ARHGAP44: variants seen among roughly 807,000 people sequenced by gnomAD.
The protein encoded by ARHGAP44 is rho GTPase-activating protein 44.
Under a neutral mutation model 106.8 loss-of-function variants are expected in ARHGAP44, and 43 were observed. That is an observed-to-expected ratio of 0.40 (90% CI 0.32 to 0.52). ARHGAP44 has a LOEUF of 0.52. ARHGAP44 is among the 20% of genes least tolerant of loss of function. The pLI, the probability that ARHGAP44 is intolerant of heterozygous loss-of-function variation, is 0.48. For synonymous variants in ARHGAP44, 439 were observed against 410.3 expected (o/e 1.07, Z -0.85); for missense variants, 866 against 1,050.5 (o/e 0.82, Z 2.43).
At chr17:12,989,830 A>G (rs887356141) in intron 20 of ARHGAP44, among the ~76,000 whole-genome samples, 11 of 152,100 alleles carry the variant, frequency 7.2e-5, no homozygotes, top group African/African-American at 1.9e-4. Flanking sequence ...CTTTGGTTCT[A>G]CGAACTTATG....
chr17:12,980,275 T>A, intron 19 of ARHGAP44, 42 bp downstream of exon 19: 1 of 1,556,166 alleles, frequency 6.4e-7, no homozygotes, highest in Non-Finnish European at 8.7e-7. Flanking sequence ...AGGCCGGAGG[T>A]GGCTGTGACA....
intron 1 of ARHGAP44, among the ~76,000 whole-genome samples, chr17:12,857,761 C>T: frequency 7.7e-6 from 1 of 129,124 alleles, no homozygotes; most frequent in Admixed American, 8.0e-5. Flanking sequence ...CTTCGGTTGC[C>T]CATGTTATTT....
intron 1 of ARHGAP44, among the ~76,000 whole-genome samples, chr17:12,889,131 TTTC>T (rs1292464968): frequency 6.6e-6 from 1 of 152,238 alleles, no homozygotes; most frequent in Non-Finnish European, 1.5e-5. Context: ...TTTTCTGTTC[TTTC>T]TGTTTTTCAT....
chr17:12,831,897 C>T (rs60160670), intron 1 of ARHGAP44, among the ~76,000 whole-genome samples: 12,271 of 152,148 alleles, frequency 0.081, 862 homozygotes, highest in African/African-American at 0.19. Flanking sequence ...GAGACCGTGA[C>T]CTGTTAGAAA....
At chr17:12,915,069 C>T (rs914507871) in intron 4 of ARHGAP44, among the ~76,000 whole-genome samples, 1 of 152,128 alleles carries the variant, frequency 6.6e-6, no homozygotes, top group Non-Finnish European at 1.5e-5. Context: ...GACAGGGTCT[C>T]GCTCTGTCAC....
intron 16 of ARHGAP44, among the ~76,000 whole-genome samples, chr17:12,961,655 A>C (rs2039263805): frequency 6.6e-6 from 1 of 152,076 alleles, no homozygotes. Context: ...AATTGCTTGA[A>C]CCTGGGAGGT....
Position 12,958,990 on chromosome 17 carries a change from G to C in ARHGAP44, c.1523+93G>C. On this transcript the variant is annotated intron_variant, in intron 16 of 20. Coordinates refer to ENST00000379672, the MANE Select transcript of ARHGAP44 (RefSeq NM_014859.6). This position sits in a 1 kb window ranked among gnomAD's most constrained non-coding sequence, Gnocchi z 4.1. ...ATAAGAAAAATACAATTACGGGAAG[G>C]CTGCACTGACTCTCAGCAGTTTAGG... 1 of 1,408,212 alleles carries C rather than the reference G, an allele frequency of 7.1e-7. No homozygotes were observed. The highest frequency in any genetic ancestry group is 2.5e-5 in the East Asian group (1 of 40,186). The allele number at this position is 1,408,212 out of a possible 1,614,324, so 87.2% of individuals were successfully genotyped here.
At chr17:12,977,842 A>G (rs1216907995) in intron 18 of ARHGAP44, among the ~76,000 whole-genome samples, 1 of 152,080 alleles carries the variant, frequency 6.6e-6, no homozygotes. Context: ...GATCGAGGCC[A>G]TCCTGGCCAA....
intron 1 of ARHGAP44, among the ~76,000 whole-genome samples, chr17:12,879,721 A>AAT (rs200649817): frequency 6.7e-5 from 10 of 148,858 alleles, no homozygotes; most frequent in Admixed American, 2.0e-4. Flanking sequence ...ACAGTTAAAA[A>AAT]ATATATATAT....
chr17:12,948,074 T>C (rs1356985849), intron 10 of ARHGAP44, among the ~76,000 whole-genome samples: 1 of 152,214 alleles, frequency 6.6e-6, no homozygotes, highest in African/African-American at 2.4e-5. Flanking sequence ...CATTACAGAA[T>C]GCAAGGAACT....
intron 3 of ARHGAP44, among the ~76,000 whole-genome samples, chr17:12,906,061 C>T (rs954096539): frequency 6.6e-6 from 1 of 152,166 alleles, no homozygotes; most frequent in African/African-American, 2.4e-5. Flanking sequence ...TAGCATCTCC[C>T]ATGCTGTGCC....
chr17:12,923,829 T>A (rs1336258242), intron 6 of ARHGAP44, among the ~76,000 whole-genome samples: 5 of 152,122 alleles, frequency 3.3e-5, no homozygotes, highest in Admixed American at 2.6e-4. Context: ...TCTTAGCCCG[T>A]ATGAGGTCTG....
chr17:12,851,524 A>G (rs1055592640), intron 1 of ARHGAP44, among the ~76,000 whole-genome samples: 1 of 151,838 alleles, frequency 6.6e-6, no homozygotes, highest in Non-Finnish European at 1.5e-5. Context: ...CTGGAGTACA[A>G]TGGCGTGATC....
chr17:12,884,206 T>G (rs949611469), intron 1 of ARHGAP44, among the ~76,000 whole-genome samples: 19 of 152,198 alleles, frequency 1.2e-4, no homozygotes, highest in Non-Finnish European at 5.9e-5. Flanking sequence ...GCTGAGCATC[T>G]TTTGCTTTTA....
In ARHGAP44 at chr17:12,991,486, G is replaced by C. The variant is rs953514504; in HGVS notation, c.*1315G>C. On this transcript the variant is annotated 3_prime_UTR_variant, in exon 21 of 21. Coordinates refer to ENST00000379672, the MANE Select transcript of ARHGAP44 (RefSeq NM_014859.6). Reference sequence around the variant, plus strand: ...CTGAGAGTGGGATGTGCAGAGTTTTGATGTTGCAGCTTTGCTCACTTCCTG... The same window carrying C: ...CTGAGAGTGGGATGTGCAGAGTTTTCATGTTGCAGCTTTGCTCACTTCCTG... The C allele has an allele frequency of 5.8e-6, 1 of 172,810 alleles. No individual in the cohort carries two copies. The highest frequency in any genetic ancestry group is 2.4e-5 in the African/African-American group (1 of 42,048). 10.7% of individuals were successfully genotyped at this position (172,810 alleles called of 1,614,324 possible). A position where few individuals can be genotyped will look rare whatever the true frequency, so the allele number is the denominator to read the frequency against.
chr17:12,909,623 G>A (rs968132463), intron 4 of ARHGAP44, among the ~76,000 whole-genome samples: 2 of 152,136 alleles, frequency 1.3e-5, no homozygotes, highest in Admixed American at 6.5e-5. Context: ...GAAAACAGAT[G>A]TAGAGCCGCC....
chr17:12,892,865 A>G (rs556625170), intron 1 of ARHGAP44, among the ~76,000 whole-genome samples: 46 of 143,002 alleles, frequency 3.2e-4, no homozygotes, highest in South Asian at 1.3e-3. Flanking sequence ...TATATCTTCT[A>G]TTTTCTTTCT....
At chr17:12,888,280 A>C (rs1292776589) in intron 1 of ARHGAP44, among the ~76,000 whole-genome samples, 1 of 152,122 alleles carries the variant, frequency 6.6e-6, no homozygotes, top group Admixed American at 6.5e-5. Context: ...GGTTGTGCCC[A>C]ACATTTTTAC....
intron 5 of ARHGAP44, among the ~76,000 whole-genome samples, chr17:12,919,116 A>G (rs2037998437): frequency 6.6e-6 from 1 of 152,186 alleles, no homozygotes; most frequent in Non-Finnish European, 1.5e-5. Flanking sequence ...GAAATTTGCT[A>G]AGAGGATAGA....
Sources: allele counts gnomAD v4.1 joint callset (sites outside exome capture counted in the v4.1 genomes callset), GRCh38; gene constraint gnomAD v4.1.1; non-coding constraint Gnocchi (gnomAD v3.1); transcripts MANE v1.5; gene names NCBI Gene and HGNC (gene_info 2026-07-23, HGNC 2026-07-21).